PRKCA: variants seen among roughly 807,000 people sequenced by gnomAD.
The protein encoded by PRKCA is protein kinase C alpha.
PRKCA carries 27 observed loss-of-function variants against 87.0 expected under a neutral mutation model. That is an observed-to-expected ratio of 0.31 (90% CI 0.23 to 0.43). The LOEUF (loss-of-function observed/expected upper bound fraction) is 0.43. PRKCA is among the 20% of genes least tolerant of loss of function. PRKCA has a pLI of 1.00. For synonymous variants in PRKCA, 329 were observed against 311.1 expected (o/e 1.06, Z -0.61); for missense variants, 518 against 852.3 (o/e 0.61, Z 4.88).
chr17:66,565,962 C>G (rs1480405556), intron 3 of PRKCA, among the ~76,000 whole-genome samples: 1 of 152,090 alleles, frequency 6.6e-6, no homozygotes, highest in African/African-American at 2.4e-5. Context: ...GTTACCTGGC[C>G]TATTAGAATT....
chr17:66,364,575 G>A (rs1230151900), intron 2 of PRKCA, among the ~76,000 whole-genome samples: 1 of 152,166 alleles, frequency 6.6e-6, no homozygotes, highest in African/African-American at 2.4e-5. Context: ...GAAGATGCCA[G>A]CTCTACCAGA....
intron 8 of PRKCA, among the ~76,000 whole-genome samples, chr17:66,707,930 G>A (rs1044950819): frequency 2.0e-5 from 3 of 151,830 alleles, no homozygotes; most frequent in African/African-American, 4.8e-5. Flanking sequence ...ATTATGGCTC[G>A]CCTGATGTAA....
intron 2 of PRKCA, among the ~76,000 whole-genome samples, chr17:66,331,159 G>A (rs906366123): frequency 1.3e-5 from 2 of 152,112 alleles, no homozygotes; most frequent in African/African-American, 4.8e-5. Context: ...TCAGGGGAAG[G>A]GAGCTTGGGG....
chr17:66,696,404 C>T (rs1052798855), intron 8 of PRKCA: 1 of 152,200 alleles, frequency 6.6e-6, no homozygotes, highest in Non-Finnish European at 1.5e-5. Context: ...ACTCTCTGAC[C>T]TTTGTTTTCC....
chr17:66,392,221 CTG>C (rs1302502181), intron 2 of PRKCA, among the ~76,000 whole-genome samples: 5 of 142,524 alleles, frequency 3.5e-5, no homozygotes, highest in African/African-American at 1.3e-4. Context: ...CAGAGCAAGA[CTG>C]TGTCTCAACA....
chr17:66,462,544 G>C (rs535851735), intron 2 of PRKCA, among the ~76,000 whole-genome samples: 1 of 152,160 alleles, frequency 6.6e-6, no homozygotes, highest in East Asian at 1.9e-4. Flanking sequence ...CGTTTTCATT[G>C]TATAAATTTG....
At chr17:66,655,737 C>T (rs374264980) in intron 5 of PRKCA, among the ~76,000 whole-genome samples, 13 of 152,244 alleles carry the variant, frequency 8.5e-5, no homozygotes, top group African/African-American at 3.1e-4. Flanking sequence ...GTACACAATA[C>T]AGCATAGAAA....
chr17:66,645,498 G>A lies in PRKCA; in HGVS notation c.516G>A (p.Lys172=). The A allele has an allele frequency of 3.1e-6, 5 of 1,614,198 alleles. No homozygotes were observed. The highest frequency in any genetic ancestry group is 1.3e-5 in the African/African-American group (1 of 75,058). ...TAAAGGCTGAGGTTGCTGATGAAAA[G>A]CTCCATGTCACAGGTAAGGCTTGCT... The part of the protein sequence containing the change: ...IYLKAEVADE[K]LHVTVRDAKN... Residue 172 remains lysine, a synonymous_variant, in exon 5 of 17, where the codon AAG becomes AAA. Coordinates refer to ENST00000413366, the MANE Select transcript of PRKCA (RefSeq NM_002737.3).
chr17:66,475,354 G>A (rs913342755), intron 2 of PRKCA, among the ~76,000 whole-genome samples: 10 of 152,052 alleles, frequency 6.6e-5, no homozygotes, highest in African/African-American at 2.4e-4. Context: ...CCTCATTAAT[G>A]TGTTTGTTAA....
At position 66,303,060 on chromosome 17, in the gene PRKCA, C is replaced by T. The variant is rs1160838505; in HGVS notation, c.173+36C>T. The T allele has an allele frequency of 1.9e-6, 3 of 1,583,456 alleles. No individual in the cohort carries two copies. The African/African-American group carries it at 4.2e-5, about 22-fold the overall frequency. On this transcript the variant is annotated intron_variant, in intron 1 of 16. Coordinates refer to ENST00000413366, the MANE Select transcript of PRKCA (RefSeq NM_002737.3). ...GGCCGGGCACTCCTGCCCCGCTCCT[C>T]CCCGCCTCCGGGTCCCGGCACCCGG...
chr17:66,613,970 C>G (rs1970446376), intron 3 of PRKCA, among the ~76,000 whole-genome samples: 1 of 151,632 alleles, frequency 6.6e-6, no homozygotes, highest in Non-Finnish European at 1.5e-5. Context: ...TTTGTATTTT[C>G]AGTAGAGATG....
At chr17:66,344,948 A>G (rs1304118525) in intron 2 of PRKCA, among the ~76,000 whole-genome samples, 1 of 152,134 alleles carries the variant, frequency 6.6e-6, no homozygotes, top group Non-Finnish European at 1.5e-5. Context: ...TTTGTATCAC[A>G]CATTGTGCAT....
At chr17:66,565,165 A>G (rs762733059) in intron 3 of PRKCA, among the ~76,000 whole-genome samples, 75 of 152,228 alleles carry the variant, frequency 4.9e-4, no homozygotes, top group Non-Finnish European at 2.2e-4. Flanking sequence ...GGACTAAGTA[A>G]TTCCTCTCAT....
intron 2 of PRKCA, among the ~76,000 whole-genome samples, chr17:66,405,540 T>G (rs1911320064): frequency 1.3e-5 from 2 of 152,186 alleles, no homozygotes; most frequent in South Asian, 4.1e-4. Flanking sequence ...GCATATTCAT[T>G]AATAATAGGG....
In PRKCA at chr17:66,510,015, G is replaced by T. The variant is rs932023496; in HGVS notation, c.288+13732G>T. 2.0e-5 allele frequency among the ~76,000 whole-genome samples: 3 copies of T among 152,126 alleles called. No individual in the cohort carries two copies. The South Asian group carries it at 6.2e-4, about 32-fold the overall frequency. On this transcript the variant is annotated intron_variant, in intron 3 of 16. Coordinates refer to ENST00000413366, the MANE Select transcript of PRKCA (RefSeq NM_002737.3). ...CTTATTTTGTTGTCGTGGTGGTTCT[G>T]TTTTGTTTTGTTTGAGACTTTTGGC...
chr17:66,693,528 G>T (rs1375406068), intron 8 of PRKCA, among the ~76,000 whole-genome samples: 1 of 152,114 alleles, frequency 6.6e-6, no homozygotes, highest in Non-Finnish European at 1.5e-5. Flanking sequence ...CCCTGTGCTG[G>T]CCAGTGATTC....
At chr17:66,777,989 T>G in intron 14 of PRKCA, 5 of 985,410 alleles carry the variant, frequency 5.1e-6, no homozygotes, top group Non-Finnish European at 6.0e-6. Flanking sequence ...GGGGTGCATT[T>G]TGAAGCTCTG....
chr17:66,546,572 A>G (rs529972518), intron 3 of PRKCA, among the ~76,000 whole-genome samples: 5 of 152,154 alleles, frequency 3.3e-5, no homozygotes, highest in Non-Finnish European at 7.4e-5. Flanking sequence ...TCACATGGCC[A>G]TCTTCCCTCT....
At chr17:66,679,796 T>A (rs11651627) in intron 5 of PRKCA, among the ~76,000 whole-genome samples, 95,263 of 152,038 alleles carry the variant, frequency 0.63, 29,947 homozygotes, top group African/African-American at 0.7. Context: ...TTTCAATACA[T>A]CAGCAAGCGA....
Sources: allele counts gnomAD v4.1 joint callset (sites outside exome capture counted in the v4.1 genomes callset), GRCh38; gene constraint gnomAD v4.1.1; transcripts MANE v1.5; gene names NCBI Gene and HGNC (gene_info 2026-07-23, HGNC 2026-07-21).